SYT14: variants seen among roughly 807,000 people sequenced by gnomAD.
SYT14 encodes the protein synaptotagmin 14.
SYT14 carries 32 observed loss-of-function variants against 74.2 expected under a neutral mutation model. The ratio of observed to expected loss-of-function variants is 0.43; its 90% CI spans 0.33 to 0.58. SYT14 has a LOEUF of 0.58. SYT14 is among the 20% of genes least tolerant of loss of function. SYT14 has a pLI of 0.05. For synonymous variants in SYT14, 298 were observed against 337.7 expected (o/e 0.88, Z 1.29); for missense variants, 791 against 981.8 (o/e 0.81, Z 2.60).
chr1:210,074,025 G>A (rs979973444), intron 5 of SYT14, among the ~76,000 whole-genome samples: 9 of 152,132 alleles, frequency 5.9e-5, no homozygotes, highest in Admixed American at 3.3e-4. Flanking sequence ...AGGGTAGACT[G>A]TGTCCAAAAT....
At chr1:210,107,594 G>A (rs1338733918) in intron 7 of SYT14, among the ~76,000 whole-genome samples, 1 of 152,038 alleles carries the variant, frequency 6.6e-6, no homozygotes, top group Non-Finnish European at 1.5e-5. Flanking sequence ...ATGTAGTTAA[G>A]AAAAATGACT....
At chr1:210,075,342 G>GTTTT (rs33985042) in intron 5 of SYT14, among the ~76,000 whole-genome samples, 16 of 127,666 alleles carry the variant, frequency 1.3e-4, no homozygotes, top group Admixed American at 1.6e-4. Context: ...TCGAGGGTTT[G>GTTTT]TTTTTTTTTT....
intron 5 of SYT14, among the ~76,000 whole-genome samples, chr1:210,055,198 A>G (rs1001294088): frequency 1.3e-4 from 20 of 152,198 alleles, no homozygotes; most frequent in African/African-American, 4.1e-4. Context: ...ATTATTATCT[A>G]TGTGATATAA....
intron 2 of SYT14, among the ~76,000 whole-genome samples, chr1:209,988,324 C>T (rs2079606288): frequency 6.6e-6 from 1 of 152,202 alleles, no homozygotes. Context: ...CCTCTTACCA[C>T]ATTCGATCAT....
chr1:210,083,291 G>A (rs1044023984), intron 5 of SYT14, among the ~76,000 whole-genome samples: 4 of 152,070 alleles, frequency 2.6e-5, no homozygotes, highest in East Asian at 1.9e-4. Flanking sequence ...ATGCCCAGCC[G>A]AGTAATGGAT....
intron 2 of SYT14, among the ~76,000 whole-genome samples, chr1:210,006,486 C>T (rs1320895742): frequency 6.6e-6 from 1 of 151,664 alleles, no homozygotes; most frequent in Non-Finnish European, 1.5e-5. Flanking sequence ...AAATGTAAAA[C>T]AGGTATATCT....
intron 2 of SYT14, among the ~76,000 whole-genome samples, chr1:209,991,106 T>C (rs1395090996): frequency 6.6e-6 from 1 of 152,078 alleles, no homozygotes; most frequent in Non-Finnish European, 1.5e-5. Context: ...GACTCCTAAC[T>C]CTCACCACAT....
At chr1:210,059,240 A>G (rs553874924) in intron 5 of SYT14, among the ~76,000 whole-genome samples, 1 of 152,018 alleles carries the variant, frequency 6.6e-6, no homozygotes, top group Admixed American at 6.6e-5. Context: ...GAAATTCACT[A>G]TCATACAATT....
At chr1:210,000,463 T>TAC (rs1238374511) in intron 2 of SYT14, among the ~76,000 whole-genome samples, 28 of 67,760 alleles carry the variant, frequency 4.1e-4, no homozygotes, top group Non-Finnish European at 5.9e-4. Flanking sequence ...TTTGTCCTCA[T>TAC]ACGCACACAC....
chr1:210,064,406 G>T (rs2081260880), intron 5 of SYT14, among the ~76,000 whole-genome samples: 1 of 151,780 alleles, frequency 6.6e-6, no homozygotes. Flanking sequence ...TAGAAACTCT[G>T]CCTATTAAAA....
chr1:210,034,983 A>G (rs115965717), intron 5 of SYT14, among the ~76,000 whole-genome samples: 4,132 of 151,930 alleles, frequency 0.027, 199 homozygotes, highest in African/African-American at 0.093. Flanking sequence ...TCCTTTAGGT[A>G]TATACCCCAG....
At chr1:209,964,411 T>A (rs2079123504) in intron 2 of SYT14, among the ~76,000 whole-genome samples, 1 of 152,186 alleles carries the variant, frequency 6.6e-6, no homozygotes, top group African/African-American at 2.4e-5. Flanking sequence ...AGTTAAGATT[T>A]TTTTCTTTCT....
At chr1:210,170,275 C>CA (rs983114233) in exon 10 of SYT14, 55 of 152,078 alleles carry the variant, frequency 3.6e-4, no homozygotes, top group African/African-American at 9.9e-4. Context: ...CATTTTTGGT[C>CA]AAAAATATAA....
intron 2 of SYT14, among the ~76,000 whole-genome samples, chr1:209,998,712 A>G (rs556159172): frequency 1.3e-5 from 2 of 152,274 alleles, no homozygotes; most frequent in East Asian, 1.9e-4. Flanking sequence ...AGCCTCTTCA[A>G]TAAATGGTGT....
chr1:209,953,084 C>T (rs1186634352), intron 2 of SYT14: 2 of 1,322,686 alleles, frequency 1.5e-6, no homozygotes, highest in South Asian at 2.5e-5. Context: ...TGCTGATCTC[C>T]CATTGACTTC....
At chr1:210,028,215 C>T (rs2080455085) in intron 5 of SYT14, among the ~76,000 whole-genome samples, 2 of 146,206 alleles carry the variant, frequency 1.4e-5, no homozygotes, top group African/African-American at 5.1e-5. Context: ...AAGATTCATC[C>T]ATGTTGTAGC....
intron 2 of SYT14, among the ~76,000 whole-genome samples, chr1:210,004,149 C>A (rs1483822430): frequency 2.0e-5 from 3 of 152,016 alleles, no homozygotes; most frequent in Non-Finnish European, 4.4e-5. Flanking sequence ...ACTGAGCCAA[C>A]ATTTTCATTA....
chr1:210,032,609 C>T (rs1468451109), intron 5 of SYT14, among the ~76,000 whole-genome samples: 3 of 150,856 alleles, frequency 2.0e-5, no homozygotes, highest in Non-Finnish European at 4.4e-5. Context: ...CTCATACCTG[C>T]TTCTTTCATT....
rs1403464247 is a variant in SYT14 at position 210,163,710 on chromosome 1, A to C, written c.*2668A>C. The C allele has an allele frequency of 8.8e-6, 4 of 453,522 alleles. No individual in the cohort carries two copies. In the East Asian group the frequency reaches 2.8e-4, roughly 31 times the overall value. The allele number at this position is 453,522 out of a possible 1,614,324, so 28.1% of individuals were successfully genotyped here. ...GACACAACTTATAATAATTACTCCC[A>C]AAAAGTTGTCTGTTCTTTTAGAAAA... On this transcript the variant is annotated 3_prime_UTR_variant, in exon 10 of 10. Transcript: ENST00000637265.
Sources: gnomAD v4.1 joint callset for allele counts (sites outside exome capture counted in the v4.1 genomes callset) on GRCh38, gnomAD v4.1.1 for gene constraint, MANE v1.5 for transcripts, NCBI Gene and HGNC (gene_info 2026-07-23, HGNC 2026-07-21) for gene names.